Variants in LDB2 observed in about 807,000 individuals in gnomAD.
The protein encoded by LDB2 is LIM domain-binding protein 2.
A neutral mutation model predicts 44.3 loss-of-function variants in LDB2; 12 were observed. That is an observed-to-expected ratio of 0.27 (90% CI 0.17 to 0.44). The LOEUF is 0.44. LDB2 is among the 20% of genes least tolerant of loss of function. LDB2 has a pLI of 1.00. For synonymous variants in LDB2, 164 were observed against 174.8 expected, an observed-to-expected ratio of 0.94 and a Z score of 0.49; for missense variants, 344 against 473.5, an observed-to-expected ratio of 0.73 and a Z score of 2.54.
chr4:16,600,452 AG>A, intron 2 of LDB2, among the ~76,000 whole-genome samples: 1 of 152,246 alleles, frequency 6.6e-6, no homozygotes, highest in Non-Finnish European at 1.5e-5. Flanking sequence ...CAGAGAACAC[AG>A]GAAGATTTTC....
At chr4:16,688,687 G>C (rs1578792755) in intron 2 of LDB2, among the ~76,000 whole-genome samples, 1 of 152,134 alleles carries the variant, frequency 6.6e-6, no homozygotes, top group Admixed American at 6.6e-5. Context: ...CAGAGAATGG[G>C]CTGAATTTCA....
At chr4:16,563,211 T>TATAATA (rs918818723) in intron 5 of LDB2, among the ~76,000 whole-genome samples, 4 of 150,800 alleles carry the variant, frequency 2.7e-5, no homozygotes, top group South Asian at 2.1e-4. Context: ...AAACTTAAAG[T>TATAATA]ATAATAATAA....
chr4:16,689,002 A>T (rs971981863), intron 2 of LDB2, among the ~76,000 whole-genome samples: 1 of 152,258 alleles, frequency 6.6e-6, no homozygotes, highest in African/African-American at 2.4e-5. Context: ...AATTAAACAG[A>T]TGACAGAGGA....
At chr4:16,744,988 G>T (rs1337698106) in intron 2 of LDB2, among the ~76,000 whole-genome samples, 2 of 152,200 alleles carry the variant, frequency 1.3e-5, no homozygotes, top group African/African-American at 4.8e-5. Flanking sequence ...TATAGTAACA[G>T]TGTCAGATAG....
At chr4:16,698,898 A>G (rs157607) in intron 2 of LDB2, among the ~76,000 whole-genome samples, 60,061 of 152,086 alleles carry the variant, frequency 0.39, 12,090 homozygotes, top group East Asian at 0.66. Flanking sequence ...CTAAAGTCTC[A>G]GCAATCAAAG....
chr4:16,560,900 A>G lies in LDB2; in HGVS notation c.615+25022T>C, dbSNP rs556678887. 9.6e-3 allele frequency among the ~76,000 whole-genome samples: 1,466 copies of G among 152,332 alleles called. 24 individuals are homozygous for G. Among genetic ancestry groups the G allele is most frequent in the African/African-American group, 0.034 (1,395 of 41,564 alleles). Reference sequence around the variant, plus strand: ...AAGTGGGCTTCATCCCTGGGATGCAAGACTGGTTCAATATACACAAATCAA... The same window carrying G: ...AAGTGGGCTTCATCCCTGGGATGCAGGACTGGTTCAATATACACAAATCAA... On this transcript the variant is annotated intron_variant, in intron 5 of 7. Coordinates refer to ENST00000304523, the MANE Select transcript of LDB2 (RefSeq NM_001290.5).
At chr4:16,581,476 T>C (rs577062134) in intron 5 of LDB2, 15 of 983,122 alleles carry the variant, frequency 1.5e-5, no homozygotes, top group African/African-American at 1.7e-5. Context: ...TGTATTGTTT[T>C]GGCTCAAAAC....
intron 4 of LDB2, among the ~76,000 whole-genome samples, chr4:16,587,783 C>G (rs1717535552): frequency 6.6e-6 from 1 of 152,160 alleles, no homozygotes; most frequent in Non-Finnish European, 1.5e-5. Flanking sequence ...CATGGGGCAA[C>G]TTACTGATTC....
intron 1 of LDB2, among the ~76,000 whole-genome samples, chr4:16,772,556 C>T (rs1183700164): frequency 6.6e-6 from 1 of 152,192 alleles, no homozygotes; most frequent in East Asian, 1.9e-4. Flanking sequence ...TCTTTATTCA[C>T]TTTAATGTTT....
intron 1 of LDB2, among the ~76,000 whole-genome samples, chr4:16,804,484 T>C (rs1204704971): frequency 2.0e-5 from 3 of 152,228 alleles, no homozygotes; most frequent in Non-Finnish European, 4.4e-5. Flanking sequence ...TGCTACTTTA[T>C]TGTGTTTGAT....
At chr4:16,849,596 C>T (rs1787783252) in intron 1 of LDB2, among the ~76,000 whole-genome samples, 2 of 152,198 alleles carry the variant, frequency 1.3e-5, no homozygotes, top group Non-Finnish European at 2.9e-5. Context: ...TCAAATCCCT[C>T]TGGTCCAATT....
At chr4:16,891,241 C>T (rs1192562907) in intron 1 of LDB2, among the ~76,000 whole-genome samples, 9 of 145,294 alleles carry the variant, frequency 6.2e-5, no homozygotes, top group Non-Finnish European at 1.5e-5. Flanking sequence ...TTTTAGATGA[C>T]TATGCATTAT....
chr4:16,548,365 A>G (rs1736489512), intron 5 of LDB2, among the ~76,000 whole-genome samples: 2 of 152,124 alleles, frequency 1.3e-5, no homozygotes, highest in Non-Finnish European at 2.9e-5. Context: ...CTTCATCTGC[A>G]ATGCTCTTCC....
chr4:16,630,292 CAAAGA>C (rs1731548621), intron 2 of LDB2, among the ~76,000 whole-genome samples: 1 of 152,138 alleles, frequency 6.6e-6, no homozygotes, highest in African/African-American at 2.4e-5. Flanking sequence ...TCAACATTCT[CAAAGA>C]AAAGAATTTT....
At chr4:16,802,924 C>T (rs1385977073) in intron 1 of LDB2, among the ~76,000 whole-genome samples, 1 of 152,124 alleles carries the variant, frequency 6.6e-6, no homozygotes, top group Non-Finnish European at 1.5e-5. Context: ...CCCTTGTGTC[C>T]TTCCCTGAGA....
At chr4:16,560,748 G>A (rs549996604) in intron 5 of LDB2, among the ~76,000 whole-genome samples, 103 of 152,242 alleles carry the variant, frequency 6.8e-4, no homozygotes, top group African/African-American at 2.4e-3. Context: ...ACCAAAGCCC[G>A]GCAGAGACAC....
intron 2 of LDB2, among the ~76,000 whole-genome samples, chr4:16,729,346 A>T (rs920323094): frequency 6.6e-5 from 10 of 152,172 alleles, no homozygotes; most frequent in Non-Finnish European, 1.5e-4. Context: ...AGGGTAACGC[A>T]CATTTGCTTA....
intron 2 of LDB2, among the ~76,000 whole-genome samples, chr4:16,727,485 G>C (rs1387204409): frequency 6.6e-6 from 1 of 151,950 alleles, no homozygotes; most frequent in Non-Finnish European, 1.5e-5. Flanking sequence ...TCCAGGAACT[G>C]GGAAGACTCG....
chr4:16,657,451 G>T (rs560892221), intron 2 of LDB2, among the ~76,000 whole-genome samples: 1 of 152,266 alleles, frequency 6.6e-6, no homozygotes, highest in South Asian at 2.1e-4. Context: ...TGGTCTCCTG[G>T]ATTTGATCCT....
Sources: gnomAD v4.1 joint callset for allele counts (sites outside exome capture counted in the v4.1 genomes callset) on GRCh38, gnomAD v4.1.1 for gene constraint, MANE v1.5 for transcripts, NCBI Gene and HGNC (gene_info 2026-07-23, HGNC 2026-07-21) for gene names.